STARD13: variants seen among roughly 807,000 people sequenced by gnomAD.
STARD13 encodes the protein StAR related lipid transfer domain containing 13, also known as stAR-related lipid transfer protein 13.
Under a neutral mutation model 106.4 loss-of-function variants are expected in STARD13, and 62 were observed. That is an observed-to-expected ratio of 0.58 (90% CI 0.48 to 0.72). The LOEUF is 0.72. Ranked by LOEUF, STARD13 falls within the 30% of genes least tolerant of loss-of-function variation. The pLI is 0.00. For synonymous variants in STARD13, 565 were observed against 553.0 expected (o/e 1.02, Z -0.31); for missense variants, 1,387 against 1,424.0 (o/e 0.97, Z 0.42).
At chr13:33,150,104 T>C (rs1198406902) in intron 3 of STARD13, among the ~76,000 whole-genome samples, 1 of 152,218 alleles carries the variant, frequency 6.6e-6, no homozygotes, top group Non-Finnish European at 1.5e-5. Flanking sequence ...CTAATCCCCA[T>C]AAATCCTAGA....
chr13:33,139,504 T>C (rs1879524468), intron 4 of STARD13, among the ~76,000 whole-genome samples: 1 of 152,210 alleles, frequency 6.6e-6, no homozygotes, highest in Admixed American at 6.5e-5. Context: ...CCAGACAGTT[T>C]AGCTACTTGG....
the STARD13 span, among the ~76,000 whole-genome samples, chr13:33,362,514 A>C: frequency 1.3e-5 from 2 of 152,188 alleles, no homozygotes; most frequent in Non-Finnish European, 2.9e-5. Flanking sequence ...CTTTGGATTT[A>C]ATGGATTTTA....
chr13:33,523,668 G>T, the STARD13 span, among the ~76,000 whole-genome samples: 4 of 152,014 alleles, frequency 2.6e-5, no homozygotes, highest in African/African-American at 9.7e-5. Flanking sequence ...CTATAGAAAA[G>T]GTTGGTCAAT....
the STARD13 span, among the ~76,000 whole-genome samples, chr13:33,535,388 T>C: frequency 6.6e-6 from 1 of 152,204 alleles, no homozygotes; most frequent in Non-Finnish European, 1.5e-5. Flanking sequence ...TACATACAAA[T>C]ATTCTTGAAC....
At chr13:33,265,618 A>T (rs936767972) in intron 1 of STARD13, among the ~76,000 whole-genome samples, 2 of 152,196 alleles carry the variant, frequency 1.3e-5, no homozygotes, top group Admixed American at 6.5e-5. Flanking sequence ...TAATGTTAGC[A>T]GTTTAAAATT....
the STARD13 span, among the ~76,000 whole-genome samples, chr13:33,482,223 C>T: frequency 1.3e-5 from 2 of 152,204 alleles, 1 homozygote; most frequent in South Asian, 4.1e-4. Context: ...CAAACAGTAT[C>T]GGCATGAGTC....
intron 3 of STARD13, 100 bp from the exon 4 acceptor site, chr13:33,142,473 G>A: frequency 9.5e-7 from 1 of 1,048,772 alleles, no homozygotes; most frequent in Admixed American, 1.8e-5. Flanking sequence ...GAAACTGCAG[G>A]AACAACCAAT....
At chr13:33,654,372 G>T in the STARD13 span, among the ~76,000 whole-genome samples, 3 of 152,018 alleles carry the variant, frequency 2.0e-5, no homozygotes, top group South Asian at 6.2e-4. Flanking sequence ...AACACAAAAG[G>T]GTACATACTG....
At chr13:33,185,858 C>G (rs370813845) in intron 1 of STARD13, 88 of 1,613,584 alleles carry the variant, frequency 5.5e-5, no homozygotes, top group Non-Finnish European at 7.0e-5. Flanking sequence ...ACCCACATGC[C>G]CTTCTGATCC....
At chr13:33,543,079 A>G in the STARD13 span, among the ~76,000 whole-genome samples, 8 of 152,260 alleles carry the variant, frequency 5.3e-5, no homozygotes, top group Non-Finnish European at 1.0e-4. Flanking sequence ...TAAGTCCAGA[A>G]GAAACGGCGT....
the STARD13 span, among the ~76,000 whole-genome samples, chr13:33,661,903 C>CA: frequency 0.07 from 8,529 of 121,882 alleles, 497 homozygotes; most frequent in African/African-American, 0.18. Context: ...GATCTCCTGG[C>CA]AAAAAAAAAA....
At chr13:33,252,316 C>A (rs751670161) in intron 1 of STARD13, among the ~76,000 whole-genome samples, 7 of 152,184 alleles carry the variant, frequency 4.6e-5, no homozygotes, top group Non-Finnish European at 1.0e-4. Context: ...GGCCCAAGGG[C>A]CTCAAGAGGC....
At chr13:33,662,343 C>T in the STARD13 span, among the ~76,000 whole-genome samples, 2 of 151,986 alleles carry the variant, frequency 1.3e-5, no homozygotes, top group Non-Finnish European at 2.9e-5. Flanking sequence ...AGAGTTATTA[C>T]ATTTCTCTTA....
At chr13:33,628,653 T>C in the STARD13 span, among the ~76,000 whole-genome samples, 1 of 152,214 alleles carries the variant, frequency 6.6e-6, no homozygotes, top group Non-Finnish European at 1.5e-5. Context: ...ATACACTCTT[T>C]CTTTCACTCT....
At chr13:33,153,782 A>T (rs182780240) in intron 3 of STARD13, among the ~76,000 whole-genome samples, 9 of 152,346 alleles carry the variant, frequency 5.9e-5, no homozygotes, top group Admixed American at 4.6e-4. Context: ...AGAAATAACA[A>T]CCAGGGGCAT....
the STARD13 span, among the ~76,000 whole-genome samples, chr13:33,429,601 TG>T: frequency 2.6e-5 from 4 of 151,966 alleles, no homozygotes; most frequent in Non-Finnish European, 5.9e-5. Flanking sequence ...AATAAGACCC[TG>T]CCATTTGCAA....
the STARD13 span, among the ~76,000 whole-genome samples, chr13:33,406,491 T>C: frequency 6.6e-6 from 1 of 152,206 alleles, no homozygotes; most frequent in African/African-American, 2.4e-5. Flanking sequence ...AACTAACTGA[T>C]CAACACATAA....
the STARD13 span, among the ~76,000 whole-genome samples, chr13:33,506,100 A>G: frequency 0.3 from 45,392 of 152,018 alleles, 7,665 homozygotes; most frequent in Non-Finnish European, 0.39. Context: ...TACAGTGCAA[A>G]TTTCACTTAA....
chr13:33,270,211 G>A lies in STARD13; in HGVS notation c.169+15259C>T, dbSNP rs966445089. On this transcript the variant is annotated intron_variant, in intron 1 of 13. Transcript: ENST00000336934. ...AGATCACGCCATTGCACTCTAGCCT[G>A]GGCAACAGAGTGAGACTCGGCCTAA... Among the ~76,000 whole-genome samples, 10 of 152,168 alleles carry A rather than the reference G, an allele frequency of 6.6e-5. 1 individual carries two copies. Among genetic ancestry groups the A allele is most frequent in the Admixed American group, 6.5e-4 (10 of 15,274 alleles).
Sources: allele counts gnomAD v4.1 joint callset (sites outside exome capture counted in the v4.1 genomes callset), GRCh38; gene constraint gnomAD v4.1.1; transcripts MANE v1.5; gene names NCBI Gene and HGNC (gene_info 2026-07-23, HGNC 2026-07-21).